The following DCAKD variants were observed in gnomAD, a reference collection of about 807,000 sequenced individuals.
The protein encoded by DCAKD is dephospho-CoA kinase domain containing, also known as dephospho-CoA kinase domain-containing protein.
DCAKD carries 15 observed loss-of-function variants against 18.7 expected under a neutral mutation model. The ratio of observed to expected loss-of-function variants is 0.80; its 90% CI spans 0.54 to 1.24. DCAKD has a LOEUF of 1.24. DCAKD is among the 50% of genes most tolerant of loss of function. The pLI is 0.00. For missense variants in DCAKD, 301 were observed against 322.0 expected, an observed-to-expected ratio of 0.93 and a Z score of 0.50; for synonymous variants, 130 against 133.0, an observed-to-expected ratio of 0.98 and a Z score of 0.16.
Position 45,051,547 on chromosome 17 carries a change from A to G in DCAKD, c.-301T>C, listed in dbSNP as rs2053697508. The stretch of plus-strand genomic sequence containing the variant: ...CTCTCACCGGCCCGCGTGGCGCGCT[A>G]CGTACCCAGCGCCTCCGCCGTGGCC... On this transcript the variant is annotated 5_prime_UTR_variant, in exon 1 of 5. Transcript: ENST00000651974. 1.3e-5 allele frequency: 2 copies of G among 151,232 alleles called. No individual in the cohort carries two copies. Among genetic ancestry groups the G allele is most frequent in the African/African-American group, 2.4e-5 (1 of 41,230 alleles). 9.4% of individuals were successfully genotyped at this position (151,232 alleles called of 1,614,324 possible). A position where few individuals can be genotyped will look rare whatever the true frequency, so the allele number is the denominator to read the frequency against.
intron 2 of DCAKD, 112 bp from the exon 3 acceptor site, chr17:45,034,502 A>T: frequency 8.2e-7 from 1 of 1,216,488 alleles, no homozygotes; most frequent in Middle Eastern, 2.2e-4. Flanking sequence ...TTTCAGGTGG[A>T]GCAAAAGCAA....
intron 1 of DCAKD, among the ~76,000 whole-genome samples, chr17:45,042,911 C>A (rs768068255): frequency 6.6e-6 from 1 of 152,204 alleles, no homozygotes; most frequent in Non-Finnish European, 1.5e-5. Context: ...GGGGACAGGT[C>A]TCTCTTCTCT....
At chr17:45,049,189 G>A (rs1018721728) in intron 1 of DCAKD, among the ~76,000 whole-genome samples, 2 of 152,124 alleles carry the variant, frequency 1.3e-5, no homozygotes, top group South Asian at 2.1e-4. Context: ...TCTAATCCCA[G>A]CACTTTTGGA....
intron 4 of DCAKD, chr17:45,026,552 G>A (rs2053060706): frequency 1.1e-6 from 1 of 931,658 alleles, no homozygotes. Flanking sequence ...ATATAGAGAC[G>A]AGGTCTTGCT....
At chr17:45,026,109 G>A (rs1366292148) in intron 4 of DCAKD, among the ~76,000 whole-genome samples, 5 of 152,014 alleles carry the variant, frequency 3.3e-5, no homozygotes, top group South Asian at 4.1e-4. Flanking sequence ...AGTAGAGACG[G>A]GATTTCACCA....
chr17:45,053,288 C>T (rs946678994), upstream of DCAKD, among the ~76,000 whole-genome samples: 10 of 141,808 alleles, frequency 7.1e-5, no homozygotes, highest in Admixed American at 1.4e-4. Flanking sequence ...GACAGAGTTT[C>T]GCTCTATTGC....
chr17:45,034,688 G>T, intron 2 of DCAKD, 86 bp downstream of exon 2: 1 of 1,412,296 alleles, frequency 7.1e-7, no homozygotes, highest in Non-Finnish European at 9.7e-7. Context: ...CCTCCTCTGA[G>T]ACTTATAAAA....
chr17:45,029,972 C>G, intron 4 of DCAKD, 120 bp downstream of exon 4: 1 of 882,832 alleles, frequency 1.1e-6, no homozygotes, highest in Admixed American at 1.7e-5. Context: ...AGCACTGCTG[C>G]CCAAACCCCC....
chr17:45,038,549 A>C (rs929806522), intron 1 of DCAKD, among the ~76,000 whole-genome samples: 2 of 152,220 alleles, frequency 1.3e-5, no homozygotes, highest in Admixed American at 6.5e-5. Context: ...CAAAGTAAGG[A>C]AGATGAATCT....
chr17:45,052,974 G>A (rs1465800933), upstream of DCAKD, among the ~76,000 whole-genome samples: 2 of 151,872 alleles, frequency 1.3e-5, no homozygotes, highest in Non-Finnish European at 2.9e-5. Flanking sequence ...GACCAGCCTG[G>A]CCAACATGGC....
At chr17:45,035,857 C>G (rs114222422) in intron 1 of DCAKD, among the ~76,000 whole-genome samples, 1 of 152,214 alleles carries the variant, frequency 6.6e-6, no homozygotes, top group East Asian at 1.9e-4. Flanking sequence ...TCCCCTTGAA[C>G]GCCAGCACTA....
At chr17:45,044,883 A>T (rs2053530885) in intron 1 of DCAKD, among the ~76,000 whole-genome samples, 1 of 152,340 alleles carries the variant, frequency 6.6e-6, no homozygotes, top group East Asian at 1.9e-4. Context: ...ACTTCCTTAC[A>T]GAGTGGGCTG....
At chr17:45,046,345 G>A (rs112178217) in intron 1 of DCAKD, among the ~76,000 whole-genome samples, 9,489 of 152,098 alleles carry the variant, frequency 0.062, 351 homozygotes, top group Middle Eastern at 0.078. Context: ...TGGGCACGGC[G>A]GCTCACGCCT....
chr17:45,031,468 GATGAA>G, intron 3 of DCAKD: 1 of 956,304 alleles, frequency 1.0e-6, no homozygotes. Context: ...TGATGGTAAA[GATGAA>G]ATGAGCCTTG....
chr17:45,038,482 C>A (rs1433542411), intron 1 of DCAKD, among the ~76,000 whole-genome samples: 2 of 152,104 alleles, frequency 1.3e-5, no homozygotes, highest in Non-Finnish European at 2.9e-5. Flanking sequence ...TAGTCTAGAC[C>A]CCTGCCTTTA....
intron 4 of DCAKD, among the ~76,000 whole-genome samples, chr17:45,025,819 T>C (rs538411981): frequency 6.6e-6 from 1 of 150,780 alleles, no homozygotes; most frequent in South Asian, 2.1e-4. Context: ...TGGCGTGATC[T>C]TGGCTCACTG....
intron 3 of DCAKD, among the ~76,000 whole-genome samples, chr17:45,032,856 G>A (rs1034737670): frequency 2.0e-5 from 3 of 152,116 alleles, no homozygotes; most frequent in African/African-American, 4.8e-5. Context: ...GGGGTGACAG[G>A]CAACCAGGCC....
chr17:45,057,142 C>G (rs905654176), intron 1 of DCAKD, among the ~76,000 whole-genome samples: 1 of 151,858 alleles, frequency 6.6e-6, no homozygotes, highest in Non-Finnish European at 1.5e-5. Flanking sequence ...ATCCTGGGTT[C>G]CAGCGATCCT....
At chr17:45,026,696 GA>G in intron 4 of DCAKD, 2 of 985,398 alleles carry the variant, frequency 2.0e-6, no homozygotes, top group Non-Finnish European at 2.4e-6. Context: ...CCATGAAAAT[GA>G]ATTATACGAG....
Sources: gnomAD v4.1 joint callset for allele counts (sites outside exome capture counted in the v4.1 genomes callset) on GRCh38, gnomAD v4.1.1 for gene constraint, MANE v1.5 for transcripts, NCBI Gene and HGNC (gene_info 2026-07-23, HGNC 2026-07-21) for gene names.